Variants in TPCN1 observed in about 807,000 individuals in gnomAD.
The protein encoded by TPCN1 is two pore channel protein 1.
TPCN1 carries 52 observed loss-of-function variants against 108.8 expected under a neutral mutation model. That is an observed-to-expected ratio of 0.48 (90% CI 0.38 to 0.60). The LOEUF (loss-of-function observed/expected upper bound fraction) is 0.60. Ranked by LOEUF, TPCN1 falls within the 20% of genes least tolerant of loss-of-function variation. TPCN1 has a pLI of 0.00. For missense variants in TPCN1, 806 were observed against 1,072.8 expected, an observed-to-expected ratio of 0.75 and a Z score of 3.47; for synonymous variants, 446 against 433.7, an observed-to-expected ratio of 1.03 and a Z score of -0.35.
Position 113,226,728 on chromosome 12 carries a change from A to G in TPCN1, c.-125A>G. On this transcript the variant is annotated splice_region_variant and 5_prime_UTR_variant, in exon 2 of 28. Coordinates refer to ENST00000335509, the MANE Select transcript of TPCN1 (RefSeq NM_017901.6). ...TATTTTTTTAATTCCCAAACCCTAG[A>G]AGATGCCTCTAATGGAGGAGTTTCT... The G allele has an allele frequency of 6.4e-7, 1 of 1,556,194 alleles. No homozygotes were observed. Among genetic ancestry groups the G allele is most frequent in the Non-Finnish European group, 8.7e-7 (1 of 1,149,336 alleles).
chr12:113,225,241 T>G (rs761503406), intron 1 of TPCN1: 16 of 453,230 alleles, frequency 3.5e-5, no homozygotes, highest in Non-Finnish European at 7.1e-5. Flanking sequence ...TTTTATTTTG[T>G]AGAGATGGAG....
Position 113,257,217 on chromosome 12 carries a change from C to T in TPCN1, c.113-3151C>T, listed in dbSNP as rs55735557. On this transcript the variant is annotated intron_variant, in intron 2 of 27. Coordinates refer to ENST00000335509, the MANE Select transcript of TPCN1 (RefSeq NM_017901.6). The stretch of plus-strand genomic sequence containing the variant: ...TTTGAAATGCTTAAAGTTGGCCAGG[C>T]GCAGCAGCCCATGCCTGTGATCCCA... Among the ~76,000 whole-genome samples the T allele has an allele frequency of 4.7e-3, 720 of 152,288 alleles. 9 individuals are homozygous for T. The highest frequency in any genetic ancestry group is 0.016 in the African/African-American group (647 of 41,550).
intron 2 of TPCN1, among the ~76,000 whole-genome samples, chr12:113,228,676 G>C (rs1295383007): frequency 1.3e-5 from 2 of 152,152 alleles, no homozygotes; most frequent in African/African-American, 4.8e-5. Context: ...CTCAATATAG[G>C]GTTGTTATTA....
chr12:113,255,537 T>A (rs1407779597), intron 2 of TPCN1, among the ~76,000 whole-genome samples: 1 of 152,008 alleles, frequency 6.6e-6, no homozygotes, highest in East Asian at 1.9e-4. Context: ...ATTAATTTTT[T>A]TTTTTTGAGA....
At chr12:113,282,185 G>A (rs1255660578) in intron 15 of TPCN1, among the ~76,000 whole-genome samples, 1 of 150,132 alleles carries the variant, frequency 6.7e-6, no homozygotes, top group East Asian at 2.0e-4. Context: ...CCGCCTCCCG[G>A]GTTCACACCA....
At chr12:113,257,149 T>C (rs1954856526) in intron 2 of TPCN1, among the ~76,000 whole-genome samples, 1 of 152,190 alleles carries the variant, frequency 6.6e-6, no homozygotes, top group Non-Finnish European at 1.5e-5. Flanking sequence ...AATGCAAATT[T>C]CAAGCATGAA....
intron 2 of TPCN1, among the ~76,000 whole-genome samples, chr12:113,249,190 C>A (rs1337098970): frequency 6.6e-6 from 1 of 152,214 alleles, no homozygotes; most frequent in East Asian, 1.9e-4. Context: ...AAGAGTGCAT[C>A]CCAAGAGCCC....
chr12:113,250,240 C>G (rs529983560), intron 2 of TPCN1, among the ~76,000 whole-genome samples: 1 of 152,134 alleles, frequency 6.6e-6, no homozygotes, highest in South Asian at 2.1e-4. Flanking sequence ...GCAGCTGGGC[C>G]CTGCTCAGAT....
chr12:113,240,081 G>T (rs1954050955), intron 2 of TPCN1, among the ~76,000 whole-genome samples: 2 of 152,104 alleles, frequency 1.3e-5, no homozygotes, highest in African/African-American at 4.8e-5. Context: ...GGCCTGCCTG[G>T]TTGTTTGGAA....
At position 113,284,673 on chromosome 12, in the gene TPCN1, G is replaced by A. The variant is rs764901063; in HGVS notation, c.1399+36G>A. The A allele has an allele frequency of 6.8e-6, 11 of 1,614,148 alleles. No individual in the cohort carries two copies. The highest frequency in any genetic ancestry group is 2.7e-5 in the African/African-American group (2 of 75,024). ...CTCAGGGACTGGCCGTGTCCTGGCC[G>A]GCACACCTGGCTTACCTGTGAGCTG... On this transcript the variant is annotated intron_variant, in intron 16 of 27. Coordinates refer to ENST00000335509, the MANE Select transcript of TPCN1 (RefSeq NM_017901.6). The surrounding 1 kb of genome is among the most constrained non-coding windows in gnomAD (Gnocchi z 4.1).
At chr12:113,258,353 C>A (rs1277243341) in intron 2 of TPCN1, among the ~76,000 whole-genome samples, 2 of 152,142 alleles carry the variant, frequency 1.3e-5, no homozygotes, top group Non-Finnish European at 1.5e-5. Context: ...GTAATCCCAG[C>A]TGCTCGGGAG....
At chr12:113,281,100 C>A (rs938004254) in intron 15 of TPCN1, among the ~76,000 whole-genome samples, 1 of 152,096 alleles carries the variant, frequency 6.6e-6, no homozygotes, top group Admixed American at 6.5e-5. Context: ...CCCAGGCTAG[C>A]GTAATCTGTG....
At chr12:113,222,684 T>C (rs1566126823) in intron 1 of TPCN1, among the ~76,000 whole-genome samples, 3 of 152,180 alleles carry the variant, frequency 2.0e-5, no homozygotes, top group African/African-American at 4.8e-5. Context: ...GTGGCAGATA[T>C]CATGAAAATT....
chr12:113,240,841 G>C (rs1954087829), intron 2 of TPCN1, among the ~76,000 whole-genome samples: 2 of 151,530 alleles, frequency 1.3e-5, no homozygotes. Context: ...CGGCTTCCCA[G>C]GTTCAAGTGA....
intron 17 of TPCN1, among the ~76,000 whole-genome samples, chr12:113,285,567 G>A (rs1264173877): frequency 6.6e-6 from 1 of 152,176 alleles, no homozygotes; most frequent in East Asian, 1.9e-4. Flanking sequence ...GTAAAGATGG[G>A]GTCTCACTAT....
chr12:113,296,659 A>G lies in TPCN1; in HGVS notation c.*583A>G, dbSNP rs2232516. The G allele has an allele frequency of 0.049, 7,534 of 152,788 alleles. 264 individuals carry two copies. Among genetic ancestry groups the G allele is most frequent in the Middle Eastern group, 0.068 (20 of 294 alleles). 9.5% of individuals were successfully genotyped at this position (152,788 alleles called of 1,614,324 possible). ...AAGCGGAATTGGGGCAACTGGGCCC[A>G]TGTGGCCAGAGCTCAGTTAGCCAGT... On this transcript the variant is annotated 3_prime_UTR_variant, in exon 28 of 28. Coordinates refer to ENST00000335509, the MANE Select transcript of TPCN1 (RefSeq NM_017901.6).
At chr12:113,250,554 G>T (rs1476097292) in intron 2 of TPCN1, among the ~76,000 whole-genome samples, 1 of 152,246 alleles carries the variant, frequency 6.6e-6, no homozygotes, top group African/African-American at 2.4e-5. Flanking sequence ...CCCACTAAGG[G>T]CCCAGCACCT....
chr12:113,234,271 C>T (rs547220044), intron 2 of TPCN1, among the ~76,000 whole-genome samples: 16 of 152,346 alleles, frequency 1.1e-4, no homozygotes, highest in African/African-American at 3.8e-4. Context: ...TGCATAGAGA[C>T]ATTTGGCTAC....
chr12:113,265,867 G>A (rs1325879913), intron 3 of TPCN1, among the ~76,000 whole-genome samples: 1 of 152,022 alleles, frequency 6.6e-6, no homozygotes, highest in Non-Finnish European at 1.5e-5. Context: ...CTGGCTCAAG[G>A]GATCTTCCCG....
Sources: allele counts gnomAD v4.1 joint callset (sites outside exome capture counted in the v4.1 genomes callset), GRCh38; gene constraint gnomAD v4.1.1; non-coding constraint Gnocchi (gnomAD v3.1); transcripts MANE v1.5; gene names NCBI Gene and HGNC (gene_info 2026-07-23, HGNC 2026-07-21).